MDGA2: variants seen among roughly 807,000 people sequenced by gnomAD.
The protein encoded by MDGA2 is MAM domain-containing glycosylphosphatidylinositol anchor protein 2.
Under a neutral mutation model 117.8 loss-of-function variants are expected in MDGA2, and 40 were observed. The ratio of observed to expected loss-of-function variants is 0.34; its 90% CI spans 0.26 to 0.44. MDGA2 has a LOEUF of 0.44. Among genes scored for constraint, MDGA2 ranks in the 20% least tolerant of loss-of-function variants. MDGA2 has a pLI of 1.00. For synonymous variants in MDGA2, 452 were observed against 439.0 expected, an observed-to-expected ratio of 1.03 and a Z score of -0.37; for missense variants, 1,123 against 1,250.6, an observed-to-expected ratio of 0.90 and a Z score of 1.54.
chr14:47,103,128 C>T (rs1196300520), intron 5 of MDGA2, among the ~76,000 whole-genome samples: 4 of 152,132 alleles, frequency 2.6e-5, no homozygotes, highest in South Asian at 2.1e-4. Context: ...GCTTCTGTTC[C>T]GTGACTCTAC....
chr14:47,102,703 A>G (rs1256857184), intron 5 of MDGA2, among the ~76,000 whole-genome samples: 1 of 152,146 alleles, frequency 6.6e-6, no homozygotes, highest in Non-Finnish European at 1.5e-5. Context: ...AAGAACAAGG[A>G]GCCTGGCTCA....
intron 1 of MDGA2, among the ~76,000 whole-genome samples, chr14:47,609,136 G>A (rs1032133953): frequency 6.6e-6 from 1 of 151,190 alleles, no homozygotes; most frequent in Non-Finnish European, 1.5e-5. Context: ...AGTGGTGATT[G>A]GTGAGGTTTT....
chr14:46,881,009 AACACACACACACACAC>A (rs72117373), intron 11 of MDGA2, among the ~76,000 whole-genome samples: 2 of 145,588 alleles, frequency 1.4e-5, no homozygotes, highest in African/African-American at 2.5e-5. Flanking sequence ...AACTATCACT[AACACACACACACACAC>A]ACACACACAC....
At chr14:46,996,986 G>A in intron 8 of MDGA2, 1 of 378,620 alleles carries the variant, frequency 2.6e-6, no homozygotes, top group Non-Finnish European at 5.0e-6. Context: ...CCAGGAAATA[G>A]CTTTACAGTG....
chr14:47,139,452 T>A (rs1882607563), intron 4 of MDGA2, among the ~76,000 whole-genome samples: 1 of 152,000 alleles, frequency 6.6e-6, no homozygotes, highest in African/African-American at 2.4e-5. Flanking sequence ...TTCCTTTATA[T>A]ATCAACAAAC....
At chr14:47,620,385 GT>G (rs1425510287) in intron 1 of MDGA2, among the ~76,000 whole-genome samples, 2 of 152,182 alleles carry the variant, frequency 1.3e-5, no homozygotes, top group African/African-American at 4.8e-5. Flanking sequence ...GAAAATTGTT[GT>G]TTAGACGAAA....
intron 9 of MDGA2, among the ~76,000 whole-genome samples, chr14:46,929,882 C>G (rs1298204444): frequency 6.7e-6 from 1 of 150,374 alleles, no homozygotes; most frequent in Non-Finnish European, 1.5e-5. Context: ...GGTGATCCAC[C>G]TTCCTCAGCC....
chr14:47,169,975 G>A (rs1189065492), intron 3 of MDGA2, among the ~76,000 whole-genome samples: 1 of 151,964 alleles, frequency 6.6e-6, no homozygotes, highest in Admixed American at 6.6e-5. Flanking sequence ...TTCCAGTCAG[G>A]CCAAGACAAT....
At position 47,254,319 on chromosome 14, in the gene MDGA2, G is replaced by A. The variant is rs145198101; in HGVS notation, c.421-36124C>T. ...TGCAAATTTTCCAAAATTTTATGCT[G>A]TGTTTCCTCTTGAATGCTTTGCTGC... On this transcript the variant is annotated intron_variant, in intron 2 of 16. Coordinates refer to ENST00000399232, the MANE Select transcript of MDGA2 (RefSeq NM_001113498.3). 8.9e-4 allele frequency among the ~76,000 whole-genome samples: 135 copies of A among 152,180 alleles called. 1 individual carries two copies. The highest frequency in any genetic ancestry group is 3.1e-3 in the African/African-American group (128 of 41,538).
intron 1 of MDGA2, among the ~76,000 whole-genome samples, chr14:47,475,460 G>C (rs1203484049): frequency 6.6e-6 from 1 of 152,096 alleles, no homozygotes; most frequent in Non-Finnish European, 1.5e-5. Flanking sequence ...ATTTGACCCA[G>C]CAATCTCATT....
chr14:47,431,493 G>A (rs1171801995), intron 1 of MDGA2, among the ~76,000 whole-genome samples: 4 of 151,886 alleles, frequency 2.6e-5, no homozygotes, highest in Non-Finnish European at 1.5e-5. Flanking sequence ...CACACAAAAA[G>A]AATTTGTTAA....
intron 8 of MDGA2, among the ~76,000 whole-genome samples, chr14:46,969,933 CATATATATAT>C (rs1157465830): frequency 7.7e-3 from 117 of 15,274 alleles, no homozygotes; most frequent in Middle Eastern, 0.038. Flanking sequence ...TAAAGTATTC[CATATATATAT>C]ATATATATAT....
intron 8 of MDGA2, chr14:46,960,652 TTA>T (rs1412635011): frequency 2.0e-5 from 3 of 151,972 alleles, no homozygotes; most frequent in African/African-American, 7.2e-5. Flanking sequence ...GTATACATTT[TTA>T]TGTTATATAT....
chr14:47,310,724 C>A lies in MDGA2; in HGVS notation c.281-9174G>T, dbSNP rs1488538047. Among the ~76,000 whole-genome samples, 3 of 151,820 alleles carry A rather than the reference C, an allele frequency of 2.0e-5. No individual in the cohort carries two copies. In the East Asian group the frequency reaches 5.8e-4, roughly 29 times the overall value. On this transcript the variant is annotated intron_variant, in intron 1 of 16. Transcript: ENST00000399232. ...TTAGACCAAAAACCCCATAAATATT[C>A]CAGAAATCTTGGCAACTAGGTCATA...
At chr14:47,473,457 G>A (rs1442970698) in intron 1 of MDGA2, among the ~76,000 whole-genome samples, 4 of 152,066 alleles carry the variant, frequency 2.6e-5, no homozygotes, top group African/African-American at 4.8e-5. Flanking sequence ...AAGGCTTTTC[G>A]TGTTTTAAAA....
chr14:46,854,314 T>C (rs1303446855), intron 15 of MDGA2, among the ~76,000 whole-genome samples: 1 of 151,624 alleles, frequency 6.6e-6, no homozygotes, highest in African/African-American at 2.4e-5. Context: ...TATTTTACCA[T>C]ATTTTTAAAA....
At chr14:47,636,997 T>C (rs1897335806) in intron 1 of MDGA2, among the ~76,000 whole-genome samples, 1 of 151,754 alleles carries the variant, frequency 6.6e-6, no homozygotes, top group Non-Finnish European at 1.5e-5. Context: ...AAAAAATGAA[T>C]AAATGTATGC....
At chr14:47,513,560 T>C (rs959204330) in intron 1 of MDGA2, among the ~76,000 whole-genome samples, 5 of 152,070 alleles carry the variant, frequency 3.3e-5, no homozygotes, top group Non-Finnish European at 7.4e-5. Flanking sequence ...GAAAAATAGA[T>C]AATTTTATTT....
At chr14:47,562,879 C>T (rs1007153135) in intron 1 of MDGA2, among the ~76,000 whole-genome samples, 5 of 151,942 alleles carry the variant, frequency 3.3e-5, no homozygotes, top group Non-Finnish European at 7.4e-5. Context: ...TATAAATGTC[C>T]GTCTTAACAC....
Sources: allele counts gnomAD v4.1 joint callset (sites outside exome capture counted in the v4.1 genomes callset), GRCh38; gene constraint gnomAD v4.1.1; transcripts MANE v1.5; gene names NCBI Gene and HGNC (gene_info 2026-07-23, HGNC 2026-07-21).